The following PIGN variants were observed in gnomAD, a reference collection of about 807,000 sequenced individuals.
PIGN encodes phosphatidylinositol glycan anchor biosynthesis class N.
In PIGN, 117 loss-of-function variants were observed where a neutral mutation model predicts 125.4. The observed-to-expected ratio is 0.93, with a 90% CI of 0.80 to 1.09. The LOEUF is 1.09. PIGN is among the 50% of genes least tolerant of loss of function. PIGN has a pLI of 0.00. For missense variants in PIGN, 1,075 were observed against 1,094.9 expected (o/e 0.98, Z 0.26); for synonymous variants, 392 against 377.8 (o/e 1.04, Z -0.44).
At chr18:62,084,748 A>G (rs1299612066) in intron 26 of PIGN, 142 bp from the exon 27 acceptor site, 5 of 659,592 alleles carry the variant, frequency 7.6e-6, no homozygotes, top group Admixed American at 2.5e-5. Context: ...AAGCCACTAA[A>G]ATGAACGCAG....
intron 9 of PIGN, 79 bp downstream of exon 9, chr18:62,146,892 T>A: frequency 6.9e-7 from 1 of 1,451,088 alleles, no homozygotes; most frequent in East Asian, 2.3e-5. Context: ...TCTAATCCTC[T>A]CAACATCATA....
Position 62,095,790 on chromosome 18 carries a change from T to C in PIGN, c.2180+58A>G. On this transcript the variant is annotated intron_variant, in intron 23 of 30. Coordinates refer to ENST00000640252, the MANE Select transcript of PIGN (RefSeq NM_176787.5). The stretch of plus-strand genomic sequence containing the variant: ...AGAAGTTAAATACTAATAGAGAAAA[T>C]ATCAATATATCATTTAAAACTTGCT... The C allele has an allele frequency of 5.6e-6, 5 of 898,506 alleles. No homozygotes were observed. In the South Asian group the frequency reaches 5.9e-5, roughly 11 times the overall value. The allele number at this position is 898,506 out of a possible 1,614,324, so 55.7% of individuals were successfully genotyped here.
intron 11 of PIGN, 126 bp downstream of exon 11, chr18:62,143,179 CT>C: frequency 1.6e-6 from 1 of 613,960 alleles, no homozygotes; most frequent in Non-Finnish European, 2.9e-6. Context: ...AAGAATTCCC[CT>C]TAGTAACTGA....
intron 22 of PIGN, among the ~76,000 whole-genome samples, chr18:62,098,079 T>C (rs1393012023): frequency 6.6e-6 from 1 of 152,186 alleles, no homozygotes; most frequent in Non-Finnish European, 1.5e-5. Context: ...AGAGATAACA[T>C]TAAAAAGTTG....
intron 1 of PIGN, among the ~76,000 whole-genome samples, chr18:62,165,526 G>T (rs536348189): frequency 6.6e-6 from 1 of 151,972 alleles, no homozygotes; most frequent in African/African-American, 2.4e-5. Flanking sequence ...ATGGGGGGAC[G>T]TAAAGCTGAG....
intron 1 of PIGN, among the ~76,000 whole-genome samples, chr18:62,179,162 C>T (rs1605230): frequency 0.58 from 88,488 of 152,040 alleles, 26,556 homozygotes; most frequent in East Asian, 0.78. Context: ...CTTCACATCA[C>T]ATTAAGGGTA....
chr18:62,176,071 T>C (rs1009084739), intron 1 of PIGN, among the ~76,000 whole-genome samples: 2 of 152,170 alleles, frequency 1.3e-5, no homozygotes, highest in African/African-American at 4.8e-5. Flanking sequence ...AAATAACTTA[T>C]TTAATGAGAT....
chr18:62,142,457 C>G (rs2036173343), intron 11 of PIGN, among the ~76,000 whole-genome samples: 1 of 152,100 alleles, frequency 6.6e-6, no homozygotes, highest in Admixed American at 6.6e-5. Flanking sequence ...TTTTTAATGG[C>G]AAATTAATAA....
At chr18:62,186,533 C>G (rs2038029929) in intron 1 of PIGN, among the ~76,000 whole-genome samples, 1 of 152,188 alleles carries the variant, frequency 6.6e-6, no homozygotes, top group Non-Finnish European at 1.5e-5. Flanking sequence ...CAAATGCCAA[C>G]CTCAGCGTTC....
chr18:62,046,449 C>A (rs1209832332), intron 30 of PIGN, among the ~76,000 whole-genome samples: 1 of 98,584 alleles, frequency 1.0e-5, no homozygotes, highest in African/African-American at 3.2e-5. Context: ...CTCAGAGGAG[C>A]ACGAACCCTG....
At chr18:62,185,991 G>A (rs1217152464) in intron 1 of PIGN, among the ~76,000 whole-genome samples, 1 of 151,794 alleles carries the variant, frequency 6.6e-6, no homozygotes, top group Non-Finnish European at 1.5e-5. Context: ...AATCGTTTGG[G>A]ACATAAGAGA....
intron 5 of PIGN, 47 bp downstream of exon 5, chr18:62,157,640 T>C (rs756619977): frequency 6.4e-7 from 1 of 1,554,256 alleles, no homozygotes; most frequent in African/African-American, 1.4e-5. Context: ...GACTAATATT[T>C]ACTTGACAAA....
chr18:62,148,382 T>C, intron 7 of PIGN, 44 bp from the exon 8 acceptor site: 2 of 1,287,934 alleles, frequency 1.6e-6, no homozygotes. Flanking sequence ...TCATTTGTTT[T>C]ATTTTAAAAA....
chr18:62,103,879 C>T (rs1304508965), intron 20 of PIGN: 2 of 152,060 alleles, frequency 1.3e-5, no homozygotes, highest in African/African-American at 2.4e-5. Flanking sequence ...GATCAAGATT[C>T]TTTGCTTTTT....
intron 11 of PIGN, among the ~76,000 whole-genome samples, chr18:62,140,693 A>T (rs556179506): frequency 6.6e-6 from 1 of 152,312 alleles, no homozygotes; most frequent in Non-Finnish European, 1.5e-5. Flanking sequence ...GAAACCACTA[A>T]AGGCCCTAAA....
intron 30 of PIGN, among the ~76,000 whole-genome samples, chr18:62,062,277 G>A (rs2032197556): frequency 6.6e-6 from 1 of 152,144 alleles, no homozygotes; most frequent in Non-Finnish European, 1.5e-5. Flanking sequence ...ACAGAGCAAG[G>A]AGATATTTCA....
Position 62,060,592 on chromosome 18 carries a change from T to G in PIGN, c.2672+12081A>C, listed in dbSNP as rs117062966. On this transcript the variant is annotated intron_variant, in intron 30 of 30. Transcript: ENST00000640252. The stretch of plus-strand genomic sequence containing the variant: ...TTGAATAGAATCATGAGTTCTCTCT[T>G]TTTTTTGAGTTCTCATTATATCAAA... 4.3e-4 allele frequency among the ~76,000 whole-genome samples: 65 copies of G among 152,348 alleles called. No homozygotes were observed. The East Asian group carries it at 0.012, about 29-fold the overall frequency.
At chr18:62,037,015 A>C (rs1375425414), downstream of PIGN, among the ~76,000 whole-genome samples, 1 of 152,140 alleles carries the variant, frequency 6.6e-6, no homozygotes, top group Non-Finnish European at 1.5e-5. Context: ...TGACTAGGAG[A>C]GGATATTGAA....
Position 62,085,266 on chromosome 18 carries a change from TA to T in PIGN, c.2371-3del. The T allele has an allele frequency of 6.5e-7, 1 of 1,540,078 alleles. No homozygotes were observed. The highest frequency in any genetic ancestry group is 8.8e-7 in the Non-Finnish European group (1 of 1,137,600). On this transcript the variant is annotated splice_polypyrimidine_tract_variant and splice_region_variant and intron_variant, in intron 25 of 30. Coordinates refer to ENST00000640252, the MANE Select transcript of PIGN (RefSeq NM_176787.5). ...AAATGCTGTCACTAAGAAGAAAACCTAAAGGGAGTCAAGGAAATGGCAAAAC... is the reference window on the plus strand; with the variant it reads ...AAATGCTGTCACTAAGAAGAAAACCTAAGGGAGTCAAGGAAATGGCAAAAC...
Sources: allele counts gnomAD v4.1 joint callset (sites outside exome capture counted in the v4.1 genomes callset), GRCh38; gene constraint gnomAD v4.1.1; transcripts MANE v1.5; gene names NCBI Gene and HGNC (gene_info 2026-07-23, HGNC 2026-07-21).